Variants in PPP1R12B observed in about 807,000 individuals in gnomAD.
The protein encoded by PPP1R12B is myosin phosphatase target subunit 2.
In PPP1R12B, 76 loss-of-function variants were observed where a neutral mutation model predicts 126.1. The observed-to-expected ratio is 0.60, with a 90% CI of 0.50 to 0.73. The LOEUF is 0.73. Among genes scored for constraint, PPP1R12B ranks in the 30% least tolerant of loss-of-function variants. PPP1R12B has a pLI of 0.00. For missense variants in PPP1R12B, 1,052 were observed against 1,205.1 expected (o/e 0.87, Z 1.88); for synonymous variants, 356 against 434.7 (o/e 0.82, Z 2.25).
chr1:202,456,622 G>A (rs1246190088), intron 13 of PPP1R12B, among the ~76,000 whole-genome samples: 1 of 152,172 alleles, frequency 6.6e-6, no homozygotes, highest in East Asian at 1.9e-4. Context: ...ATCTCAAAGG[G>A]TTCATGAAAA....
chr1:202,361,284 G>C (rs549920624), intron 1 of PPP1R12B, among the ~76,000 whole-genome samples: 1 of 152,290 alleles, frequency 6.6e-6, no homozygotes, highest in African/African-American at 2.4e-5. Flanking sequence ...AAGAAAAGAG[G>C]TTTAATTGGC....
chr1:202,386,599 G>A (rs557675452), intron 1 of PPP1R12B, among the ~76,000 whole-genome samples: 45 of 152,328 alleles, frequency 3.0e-4, no homozygotes, highest in African/African-American at 9.9e-4. Flanking sequence ...GATTACAGGC[G>A]TGAGCCACGG....
chr1:202,442,680 A>G (rs1671783348), intron 12 of PPP1R12B, 108 bp downstream of exon 12: 1 of 1,193,244 alleles, frequency 8.4e-7, no homozygotes, highest in Non-Finnish European at 1.1e-6. Flanking sequence ...AAATGAATCA[A>G]AATGAATTAC....
In PPP1R12B at chr1:202,454,874, A is replaced by G. The variant is rs184873714; in HGVS notation, c.1850+5703A>G. On this transcript the variant is annotated intron_variant, in intron 13 of 23. Transcript: ENST00000608999. ...GAGTTTGAGGCTACCATGAACTATTATAACACCACTGTACTCTATCCTCGA... is the reference window on the plus strand; with the variant it reads ...GAGTTTGAGGCTACCATGAACTATTGTAACACCACTGTACTCTATCCTCGA... 3.3e-5 allele frequency among the ~76,000 whole-genome samples: 5 copies of G among 152,166 alleles called. No individual in the cohort carries two copies. The East Asian group carries it at 9.7e-4, about 29-fold the overall frequency.
rs1679408032 is a variant in PPP1R12B at position 202,495,311 on chromosome 1, A to T, written c.2164A>T (p.Arg722Trp). Reference protein sequence around the residue: ...LDEEPICHRLRCPAQPDKPTT... With the variant: ...LDEEPICHRLWCPAQPDKPTT... ...TTTCCAGCCTATCTGTCATCGCCTG[A>T]GGTGCCCAGCTCAGCCAGACAAACC... Residue 722 changes from arginine (R) to tryptophan (W), a missense_variant, in exon 16 of 24, where the codon AGG becomes TGG. By Grantham distance (101) the Arg-to-Trp change is moderately radical (BLOSUM62 -3). Transcript: ENST00000608999. 1 of 1,569,840 alleles carries T rather than the reference A, an allele frequency of 6.4e-7. No individual in the cohort carries two copies. The highest frequency in any genetic ancestry group is 8.6e-7 in the Non-Finnish European group (1 of 1,161,950).
chr1:202,385,806 T>C (rs1334651785), intron 1 of PPP1R12B, among the ~76,000 whole-genome samples: 2 of 152,196 alleles, frequency 1.3e-5, no homozygotes, highest in African/African-American at 4.8e-5. Flanking sequence ...GTTTTTGTGT[T>C]TTGTTTTGTT....
At chr1:202,567,674 A>T in intron 21 of PPP1R12B, 104 bp from the exon 22 acceptor site, 1 of 1,257,184 alleles carries the variant, frequency 8.0e-7, no homozygotes, top group Non-Finnish European at 1.1e-6. Context: ...CCAAAGTTTT[A>T]CTGTTTATTT....
At position 202,580,672 on chromosome 1, in the gene PPP1R12B, C is replaced by A; in HGVS notation, c.*112C>A. ...AAATGGATGTTTTGGTGGAAGGACA[C>A]TTCTTTCTATCACCCTCTTCAGTCA... On this transcript the variant is annotated 3_prime_UTR_variant, in exon 24 of 24. Transcript: ENST00000608999. The A allele has an allele frequency of 1.2e-6, 1 of 858,048 alleles. No individual in the cohort carries two copies. The highest frequency in any genetic ancestry group is 1.5e-5 in the South Asian group (1 of 67,758). 53.2% of individuals were successfully genotyped at this position (858,048 alleles called of 1,614,324 possible). A position where few individuals can be genotyped will look rare whatever the true frequency, so the allele number is the denominator to read the frequency against.
At chr1:202,424,120 C>T (rs1036657854) in intron 3 of PPP1R12B, among the ~76,000 whole-genome samples, 4 of 152,124 alleles carry the variant, frequency 2.6e-5, no homozygotes, top group Admixed American at 1.3e-4. Flanking sequence ...TAGATTGGAG[C>T]AACCACTTTT....
intron 13 of PPP1R12B, among the ~76,000 whole-genome samples, chr1:202,475,027 T>C (rs1676457450): frequency 6.6e-6 from 1 of 152,230 alleles, no homozygotes. Context: ...ATGGGATCTT[T>C]AAAATTTTAG....
At chr1:202,406,683 T>G (rs553828017) in intron 1 of PPP1R12B, among the ~76,000 whole-genome samples, 1 of 152,324 alleles carries the variant, frequency 6.6e-6, no homozygotes, top group African/African-American at 2.4e-5. Context: ...TGCTTATCAC[T>G]CTAGTTTCCG....
chr1:202,564,314 A>C (rs1344570324), intron 20 of PPP1R12B, 129 bp from the exon 21 acceptor site: 1 of 588,900 alleles, frequency 1.7e-6, no homozygotes. Context: ...TCTGCTCCCT[A>C]CCCTTCCTTC....
chr1:202,383,597 G>A (rs1269097558), intron 1 of PPP1R12B, among the ~76,000 whole-genome samples: 2 of 152,108 alleles, frequency 1.3e-5, no homozygotes, highest in Admixed American at 6.5e-5. Context: ...GGGGGCACAC[G>A]CCTGTAATCA....
chr1:202,434,021 A>G (rs929078662), intron 8 of PPP1R12B, among the ~76,000 whole-genome samples: 2 of 152,250 alleles, frequency 1.3e-5, no homozygotes, highest in African/African-American at 2.4e-5. Context: ...CATGAGAGAT[A>G]TAAGTGTAGT....
chr1:202,438,588 C>T (rs570164589), intron 10 of PPP1R12B: 5 of 471,202 alleles, frequency 1.1e-5, no homozygotes, highest in African/African-American at 5.9e-5. Flanking sequence ...GGACATTGGC[C>T]CTAGAGTTCC....
intron 1 of PPP1R12B, among the ~76,000 whole-genome samples, chr1:202,411,386 G>T (rs1667367884): frequency 6.6e-6 from 1 of 152,022 alleles, no homozygotes; most frequent in Non-Finnish European, 1.5e-5. Context: ...CCTTAACTGG[G>T]TGCATACTAT....
chr1:202,349,343 G>A (rs569050185), intron 1 of PPP1R12B, among the ~76,000 whole-genome samples: 2 of 152,270 alleles, frequency 1.3e-5, no homozygotes, highest in East Asian at 1.9e-4. Context: ...TAGGAATAGC[G>A]TCACCCCGCT....
intron 23 of PPP1R12B, among the ~76,000 whole-genome samples, chr1:202,578,060 G>A (rs1415380850): frequency 5.9e-5 from 9 of 152,108 alleles, no homozygotes; most frequent in Non-Finnish European, 1.0e-4. Flanking sequence ...GAACTTTGTG[G>A]GGCTTCCCCC....
At chr1:202,552,660 G>T (rs748355467) in intron 18 of PPP1R12B, among the ~76,000 whole-genome samples, 1 of 152,142 alleles carries the variant, frequency 6.6e-6, no homozygotes, top group Non-Finnish European at 1.5e-5. Context: ...GGCTCAGCTA[G>T]TACACAAGAA....
Sources: gnomAD v4.1 joint callset for allele counts (sites outside exome capture counted in the v4.1 genomes callset) on GRCh38, gnomAD v4.1.1 for gene constraint, MANE v1.5 for transcripts, NCBI Gene and HGNC (gene_info 2026-07-23, HGNC 2026-07-21) for gene names.